Variants in CNTNAP4 observed in about 807,000 individuals in gnomAD.
The protein encoded by CNTNAP4 is contactin-associated protein-like 4.
CNTNAP4 carries 98 observed loss-of-function variants against 148.4 expected under a neutral mutation model. That is an observed-to-expected ratio of 0.66 (90% confidence interval 0.56 to 0.78). The LOEUF (loss-of-function observed/expected upper bound fraction) is 0.78. Ranked by LOEUF, CNTNAP4 falls within the 30% of genes least tolerant of loss-of-function variation. The probability of loss-of-function intolerance (pLI) is 0.00; values close to 1 mark genes in which losing one functional copy is unlikely to be tolerated. For missense variants in CNTNAP4, 1,935 were observed against 1,565.6 expected, an observed-to-expected ratio of 1.24 and a Z score of -3.98; for synonymous variants, 730 against 565.1, an observed-to-expected ratio of 1.29 and a Z score of -4.14.
chr16:76,298,688 A>G (rs1959598635), intron 1 of CNTNAP4, among the ~76,000 whole-genome samples: 1 of 152,114 alleles, frequency 6.6e-6, no homozygotes. Flanking sequence ...AGAGCTCTCC[A>G]AGGGCTCAGT....
chr16:76,293,748 A>G (rs1318339594), intron 1 of CNTNAP4, among the ~76,000 whole-genome samples: 4 of 152,056 alleles, frequency 2.6e-5, no homozygotes, highest in Non-Finnish European at 4.4e-5. Context: ...GCTAGGCAAA[A>G]TATCAGGTGA....
At chr16:76,342,266 A>G (rs1964526165) in intron 2 of CNTNAP4, among the ~76,000 whole-genome samples, 1 of 152,100 alleles carries the variant, frequency 6.6e-6, no homozygotes, top group South Asian at 2.1e-4. Context: ...CTTGCATTTA[A>G]TTTTGCAAAA....
intron 3 of CNTNAP4, among the ~76,000 whole-genome samples, chr16:76,401,559 C>G (rs1373462364): frequency 6.6e-6 from 1 of 152,130 alleles, no homozygotes; most frequent in East Asian, 1.9e-4. Context: ...CCTGATTGCT[C>G]TGGCAGACTT....
At chr16:76,294,492 G>A (rs895842015) in intron 1 of CNTNAP4, among the ~76,000 whole-genome samples, 2 of 152,120 alleles carry the variant, frequency 1.3e-5, no homozygotes, top group African/African-American at 4.8e-5. Context: ...CTCTGTAATA[G>A]CACACTTTGG....
In CNTNAP4 at chr16:76,535,577, G is replaced by A; in HGVS notation, c.2788G>A (p.Gly930Ser). The change falls in exon 18 of 24, where the codon GGC becomes AGC. Residue 930 changes from glycine to serine, a missense_variant. Coordinates refer to ENST00000611870, the MANE Select transcript of CNTNAP4 (RefSeq NM_033401.5). ...GTATRQRGFL[G>S]CIRSLQLNGM... ...GGCCACCAGACAGAGAGGCTTTCTG[G>A]GCTGCATTCGGTCTCTGCAGTTGAA... is the stretch of plus-strand genomic sequence containing the variant. 6.2e-7 allele frequency: 1 copy of A among 1,612,452 alleles called. No homozygotes were observed. The highest frequency in any genetic ancestry group is 8.5e-7 in the Non-Finnish European group (1 of 1,179,930).
intron 4 of CNTNAP4, among the ~76,000 whole-genome samples, chr16:76,437,691 C>G (rs1192966329): frequency 6.6e-6 from 1 of 152,192 alleles, no homozygotes; most frequent in African/African-American, 2.4e-5. Context: ...CGAACCATAT[C>G]TTAATTTTCC....
At chr16:76,473,008 G>A (rs892736200) in intron 10 of CNTNAP4, among the ~76,000 whole-genome samples, 1 of 152,078 alleles carries the variant, frequency 6.6e-6, no homozygotes, top group Non-Finnish European at 1.5e-5. Context: ...GGGGGCAGAG[G>A]GGGGAAGCCT....
chr16:76,308,972 ATT>A (rs61244707), intron 1 of CNTNAP4, among the ~76,000 whole-genome samples: 1 of 142,746 alleles, frequency 7.0e-6, no homozygotes, highest in African/African-American at 2.6e-5. Context: ...TTCCAGGCTA[ATT>A]TTTTTTTTTT....
chr16:76,421,079 G>C (rs1542969), intron 3 of CNTNAP4, among the ~76,000 whole-genome samples: 53,113 of 151,642 alleles, frequency 0.35, 10,936 homozygotes, highest in Non-Finnish European at 0.44. Context: ...TCTTTCCTGT[G>C]CTTTTTCTCT....
At chr16:76,360,553 C>G (rs1402814933) in intron 3 of CNTNAP4, among the ~76,000 whole-genome samples, 1 of 152,158 alleles carries the variant, frequency 6.6e-6, no homozygotes, top group Non-Finnish European at 1.5e-5. Flanking sequence ...GAAGTTGTAG[C>G]AATACTAACG....
chr16:76,397,957 T>C (rs1597417124), intron 3 of CNTNAP4, among the ~76,000 whole-genome samples: 1 of 13,182 alleles, frequency 7.6e-5, no homozygotes, highest in African/African-American at 4.0e-4. Flanking sequence ...TATATATATA[T>C]ATATATATAT....
In CNTNAP4 at chr16:76,331,678, G is replaced by C. The variant is rs187691564; in HGVS notation, c.196+15155G>C. 1.3e-3 allele frequency among the ~76,000 whole-genome samples: 193 copies of C among 151,954 alleles called. 1 individual carries two copies. Among genetic ancestry groups the C allele is most frequent in the African/African-American group, 4.5e-3 (187 of 41,422 alleles). On this transcript the variant is annotated intron_variant, in intron 2 of 23. Coordinates refer to ENST00000611870, the MANE Select transcript of CNTNAP4 (RefSeq NM_033401.5). ...TTCACAAATTATATCCTTATGCATT[G>C]TATGCACTAACATAGACACATAGTT...
chr16:76,375,352 G>C (rs1269309001), intron 3 of CNTNAP4, among the ~76,000 whole-genome samples: 1 of 152,128 alleles, frequency 6.6e-6, no homozygotes, highest in Non-Finnish European at 1.5e-5. Context: ...AACCTGGGAG[G>C]GGGAGGTTGC....
intron 17 of CNTNAP4, among the ~76,000 whole-genome samples, chr16:76,532,733 C>G (rs747641143): frequency 6.6e-6 from 1 of 152,098 alleles, no homozygotes; most frequent in Non-Finnish European, 1.5e-5. Context: ...GTGAGCTGGA[C>G]CTTACCCAGG....
chr16:76,476,120 GTA>G (rs2081567982), intron 11 of CNTNAP4, 75 bp downstream of exon 11: 1 of 988,798 alleles, frequency 1.0e-6, no homozygotes, highest in Admixed American at 1.9e-5. Flanking sequence ...ATTGCTGTGT[GTA>G]TATATGTCTG....
intron 2 of CNTNAP4, among the ~76,000 whole-genome samples, chr16:76,342,226 G>A (rs1964522600): frequency 1.3e-5 from 2 of 152,052 alleles, no homozygotes; most frequent in Admixed American, 1.3e-4. Flanking sequence ...ATATAAAGGA[G>A]CATAAAATGC....
chr16:76,444,340 A>T (rs941822784), intron 4 of CNTNAP4, among the ~76,000 whole-genome samples: 1 of 152,170 alleles, frequency 6.6e-6, no homozygotes, highest in Non-Finnish European at 1.5e-5. Flanking sequence ...TTATTAATTC[A>T]CCTAGAATTA....
chr16:76,534,677 G>A (rs1186309556), intron 17 of CNTNAP4, among the ~76,000 whole-genome samples: 2 of 152,140 alleles, frequency 1.3e-5, no homozygotes, highest in East Asian at 3.9e-4. Flanking sequence ...TAACTGTTGA[G>A]ATTCACAACC....
intron 2 of CNTNAP4, among the ~76,000 whole-genome samples, chr16:76,347,827 A>T (rs1965036051): frequency 6.6e-6 from 1 of 152,068 alleles, no homozygotes; most frequent in Non-Finnish European, 1.5e-5. Flanking sequence ...GAGAGAAGGT[A>T]GAGATGATAT....
Sources: gnomAD v4.1 joint callset for allele counts (sites outside exome capture counted in the v4.1 genomes callset) on GRCh38, gnomAD v4.1.1 for gene constraint, MANE v1.5 for transcripts, NCBI Gene and HGNC (gene_info 2026-07-23, HGNC 2026-07-21) for gene names.